The following NOS1 variants were observed in gnomAD, a reference collection of about 807,000 sequenced individuals.
NOS1 encodes NOS type I.
A neutral mutation model predicts 164.5 loss-of-function variants in NOS1; 51 were observed. The observed-to-expected ratio is 0.31, with a 90% CI of 0.25 to 0.39. The LOEUF (loss-of-function observed/expected upper bound fraction) is 0.39. NOS1 is among the 10% of genes least tolerant of loss of function. The probability of loss-of-function intolerance (pLI) is 1.00; values close to 1 mark genes in which losing one functional copy is unlikely to be tolerated. For missense variants in NOS1, 1,362 were observed against 1,885.6 expected, an observed-to-expected ratio of 0.72 and a Z score of 5.14; for synonymous variants, 719 against 745.8, an observed-to-expected ratio of 0.96 and a Z score of 0.59.
At chr12:117,255,009 G>A (rs925256214) in intron 16 of NOS1, among the ~76,000 whole-genome samples, 1 of 152,068 alleles carries the variant, frequency 6.6e-6, no homozygotes, top group Non-Finnish European at 1.5e-5. Flanking sequence ...GCTAAATGAC[G>A]AGTTAATGGG....
chr12:117,216,169 G>A (rs190298935), intron 28 of NOS1, among the ~76,000 whole-genome samples: 16 of 148,592 alleles, frequency 1.1e-4, no homozygotes, highest in Admixed American at 7.4e-4. Context: ...TGAGCCACTG[G>A]GCCCGTCAAA....
intron 6 of NOS1, 102 bp downstream of exon 6, chr12:117,286,002 G>T: frequency 7.6e-7 from 1 of 1,323,254 alleles, no homozygotes; most frequent in Non-Finnish European, 1.0e-6. Flanking sequence ...ATGGCTACCA[G>T]GTACCCTTGG....
intron 1 of NOS1, among the ~76,000 whole-genome samples, chr12:117,359,999 A>G (rs1877060792): frequency 7.3e-6 from 1 of 136,420 alleles, no homozygotes; most frequent in Non-Finnish European, 1.6e-5. Context: ...TGATTTTTTA[A>G]GGTCCTCATG....
At chr12:117,263,866 C>G in intron 13 of NOS1, 23 bp downstream of exon 13, 1 of 1,597,826 alleles carries the variant, frequency 6.3e-7, no homozygotes, top group Non-Finnish European at 8.6e-7. Context: ...ATCCACCCCA[C>G]CCGCCCACTG....
chr12:117,246,720 C>T (rs979665738), intron 18 of NOS1, among the ~76,000 whole-genome samples: 12 of 152,274 alleles, frequency 7.9e-5, no homozygotes, highest in African/African-American at 2.4e-5. Context: ...TAAATGGAAT[C>T]CTGCAATACA....
At position 117,210,894 on chromosome 12, in the gene NOS1, C is replaced by T. The variant is rs907839597; in HGVS notation, c.*4415G>A. 2.8e-5 allele frequency: 28 copies of T among 985,244 alleles called. No individual in the cohort carries two copies. The African/African-American group carries it at 4.9e-4, about 17-fold the overall frequency. The allele number at this position is 985,244 out of a possible 1,614,324, so 61.0% of individuals were successfully genotyped here. On this transcript the variant is annotated 3_prime_UTR_variant, in exon 29 of 29. Coordinates refer to ENST00000317775, the MANE Select transcript of NOS1 (RefSeq NM_000620.5). ...ATCAGCTCTGAAAACTCATCTTTTC[C>T]CTGAGCCTGCTCTTCAGAGACCTCT...
intron 7 of NOS1, among the ~76,000 whole-genome samples, chr12:117,284,826 G>C (rs1211974407): frequency 6.6e-6 from 1 of 151,998 alleles, no homozygotes; most frequent in Non-Finnish European, 1.5e-5. Flanking sequence ...GAGGCGGGTG[G>C]AGCACTTGAG....
intron 12 of NOS1, among the ~76,000 whole-genome samples, chr12:117,264,808 C>A (rs1475027349): frequency 6.6e-6 from 1 of 151,758 alleles, no homozygotes; most frequent in Non-Finnish European, 1.5e-5. Flanking sequence ...CAACCTCCAC[C>A]TCCTGGGTTC....
Position 117,257,615 on chromosome 12 carries a change from T to C in NOS1, c.2531+782A>G, listed in dbSNP as rs1871561670. On this transcript the variant is annotated intron_variant, in intron 16 of 28. Transcript: ENST00000317775. ...CCATTCTTTGATTTTAGCTTTTTTT[T>C]TTTTTTTTTTTTTTTTTGACAGGTC... Among the ~76,000 whole-genome samples, 3 of 112,296 alleles carry C rather than the reference T, an allele frequency of 2.7e-5. No homozygotes were observed. In the South Asian group the frequency reaches 9.5e-4, roughly 35 times the overall value. The allele number at this position is 112,296 out of a possible 152,430, so 73.7% of individuals were successfully genotyped here.
At chr12:117,236,163 C>T (rs571172444) in intron 20 of NOS1, among the ~76,000 whole-genome samples, 4 of 152,336 alleles carry the variant, frequency 2.6e-5, no homozygotes, top group African/African-American at 9.6e-5. Context: ...AAATCCTTTG[C>T]ACCCTTTGAG....
chr12:117,256,555 G>C (rs1378372644), intron 16 of NOS1, among the ~76,000 whole-genome samples: 4 of 151,692 alleles, frequency 2.6e-5, no homozygotes, highest in African/African-American at 4.8e-5. Flanking sequence ...TGGGATTACA[G>C]GCATGAGCCA....
At chr12:117,297,263 G>C (rs1173368831) in intron 3 of NOS1, among the ~76,000 whole-genome samples, 1 of 152,228 alleles carries the variant, frequency 6.6e-6, no homozygotes, top group Non-Finnish European at 1.5e-5. Flanking sequence ...TTGGAATGCA[G>C]CTGCAGGGGC....
chr12:117,240,800 G>T (rs1052552980), intron 20 of NOS1, among the ~76,000 whole-genome samples: 6 of 152,178 alleles, frequency 3.9e-5, no homozygotes, highest in African/African-American at 1.4e-4. Flanking sequence ...GGCCAAGGCC[G>T]CACAGCTAGT....
At chr12:117,286,465 A>G (rs1874125444) in intron 5 of NOS1, among the ~76,000 whole-genome samples, 199 bp from the exon 6 acceptor site, 1 of 152,192 alleles carries the variant, frequency 6.6e-6, no homozygotes, top group Non-Finnish European at 1.5e-5. Context: ...CATTGTAGAT[A>G]TAAGTCAACC....
intron 1 of NOS1, among the ~76,000 whole-genome samples, chr12:117,354,399 A>T (rs1303403762): frequency 6.7e-6 from 1 of 149,588 alleles, no homozygotes; most frequent in East Asian, 1.9e-4. Context: ...ATTGCCAGCT[A>T]AGACTTATAA....
At chr12:117,343,882 G>A (rs746179090) in intron 1 of NOS1, among the ~76,000 whole-genome samples, 1 of 152,182 alleles carries the variant, frequency 6.6e-6, no homozygotes, top group Non-Finnish European at 1.5e-5. Context: ...CCCTTCACTC[G>A]AAAGTTGCCT....
At chr12:117,357,154 C>T (rs1201752711) in intron 1 of NOS1, among the ~76,000 whole-genome samples, 1 of 152,158 alleles carries the variant, frequency 6.6e-6, no homozygotes. Flanking sequence ...AAAACCCCGT[C>T]TCTACAAAAA....
intron 21 of NOS1, among the ~76,000 whole-genome samples, chr12:117,232,600 G>A (rs1869336955): frequency 5.3e-5 from 8 of 152,014 alleles, no homozygotes; most frequent in Admixed American, 5.2e-4. Flanking sequence ...AACAATCCAA[G>A]ACAGTGTTAT....
At chr12:117,221,818 ATTTTTTTTTT>A (rs3070338) in intron 26 of NOS1, among the ~76,000 whole-genome samples, 17 of 111,558 alleles carry the variant, frequency 1.5e-4, no homozygotes, top group Middle Eastern at 5.7e-3. Flanking sequence ...GCTAACTTAA[ATTTTTTTTTT>A]TTTTTTTTTT....
Sources: allele counts gnomAD v4.1 joint callset (sites outside exome capture counted in the v4.1 genomes callset), GRCh38; gene constraint gnomAD v4.1.1; transcripts MANE v1.5; gene names NCBI Gene and HGNC (gene_info 2026-07-23, HGNC 2026-07-21).